Variants in BBS9 observed in about 807,000 individuals in gnomAD.
The protein encoded by BBS9 is Bardet-Biedl syndrome 9, also known as protein PTHB1.
Under a neutral mutation model 117.7 loss-of-function variants are expected in BBS9, and 89 were observed. The ratio of observed to expected loss-of-function variants is 0.76; its 90% CI spans 0.64 to 0.90. The LOEUF (loss-of-function observed/expected upper bound fraction) is 0.90, where lower values mean the gene tolerates loss of function less well. Among genes scored for constraint, BBS9 ranks in the 40% least tolerant of loss-of-function variants. BBS9 has a pLI of 0.00. For missense variants in BBS9, 982 were observed against 1,042.2 expected (o/e 0.94, Z 0.80); for synonymous variants, 379 against 370.9 (o/e 1.02, Z -0.25).
At chr7:33,412,216 T>TTAG (rs1241235580) in intron 19 of BBS9, among the ~76,000 whole-genome samples, 1 of 152,214 alleles carries the variant, frequency 6.6e-6, no homozygotes, top group African/African-American at 2.4e-5. Context: ...GTCAAACTAT[T>TTAG]TAGCAGGTAA....
chr7:33,153,778 T>C lies in BBS9; in HGVS notation c.263+927T>C, dbSNP rs80341620. 4.2e-3 allele frequency among the ~76,000 whole-genome samples: 634 copies of C among 152,314 alleles called. 2 individuals carry two copies. Among genetic ancestry groups the C allele is most frequent in the African/African-American group, 0.015 (617 of 41,558 alleles). ...TAGGCTGGGATATGAGATGAGACTT[T>C]TATGCTTTGTGACAGGCTGGATTGC... On this transcript the variant is annotated intron_variant, in intron 3 of 22. Coordinates refer to ENST00000242067, the MANE Select transcript of BBS9 (RefSeq NM_198428.3).
chr7:33,613,403 T>C (rs1339954409), intron 21 of BBS9, among the ~76,000 whole-genome samples: 1 of 152,064 alleles, frequency 6.6e-6, no homozygotes, highest in African/African-American at 2.4e-5. Flanking sequence ...TACTTGTCAC[T>C]TCAAAGTTTG....
chr7:33,465,630 T>C (rs1175385241), intron 19 of BBS9, among the ~76,000 whole-genome samples: 3 of 152,162 alleles, frequency 2.0e-5, no homozygotes, highest in Non-Finnish European at 4.4e-5. Context: ...CACCTATTAG[T>C]TGTATGTCCT....
intron 19 of BBS9, among the ~76,000 whole-genome samples, chr7:33,466,716 A>C (rs1325024950): frequency 6.6e-6 from 1 of 152,150 alleles, no homozygotes; most frequent in Non-Finnish European, 1.5e-5. Context: ...GGAAAAAAAG[A>C]AGGATAAATG....
chr7:33,208,088 T>G (rs917909223), intron 5 of BBS9, among the ~76,000 whole-genome samples: 1 of 152,172 alleles, frequency 6.6e-6, no homozygotes, highest in Non-Finnish European at 1.5e-5. Flanking sequence ...GGATTACAGT[T>G]GTGAGCCACC....
intron 21 of BBS9, among the ~76,000 whole-genome samples, chr7:33,631,043 A>G (rs1221520878): frequency 1.3e-5 from 2 of 152,210 alleles, no homozygotes; most frequent in Non-Finnish European, 2.9e-5. Context: ...ACAGGGGGTG[A>G]TACAGGCCCC....
chr7:33,131,789 A>G (rs1447851102), intron 1 of BBS9, among the ~76,000 whole-genome samples: 1 of 152,228 alleles, frequency 6.6e-6, no homozygotes, highest in Non-Finnish European at 1.5e-5. Context: ...AATAAAAATT[A>G]TTAAAACTTT....
At chr7:33,389,057 A>G (rs1039765367) in intron 19 of BBS9, among the ~76,000 whole-genome samples, 10 of 152,174 alleles carry the variant, frequency 6.6e-5, no homozygotes, top group Non-Finnish European at 1.5e-4. Context: ...ACATTTTGCA[A>G]AACTATGGTA....
At chr7:33,512,803 C>T (rs1421941375) in intron 20 of BBS9, among the ~76,000 whole-genome samples, 1 of 152,210 alleles carries the variant, frequency 6.6e-6, no homozygotes, top group Admixed American at 6.5e-5. Flanking sequence ...CTCCCTGAAT[C>T]TCCGTGTTCA....
intron 19 of BBS9, among the ~76,000 whole-genome samples, chr7:33,474,311 A>G (rs1841494718): frequency 6.6e-6 from 1 of 152,232 alleles, no homozygotes; most frequent in Non-Finnish European, 1.5e-5. Context: ...AAACATACAT[A>G]CACTAAAACA....
rs370672610 is a variant in BBS9, at chr7:33,419,073, CT to C, written c.2115+30939del. On this transcript the variant is annotated intron_variant, in intron 19 of 22. Transcript: ENST00000242067. The stretch of plus-strand genomic sequence containing the variant: ...TTTGTTCTGCATTCCATTAAAATTG[CT>C]TTTTTTTTTCATGTGAATTGGTCCT... Among the ~76,000 whole-genome samples the C allele has an allele frequency of 3.6e-3, 539 of 148,502 alleles. 7 individuals carry two copies. The South Asian group carries it at 0.041, about 11-fold the overall frequency.
intron 19 of BBS9, among the ~76,000 whole-genome samples, chr7:33,500,112 A>G (rs1779599953): frequency 6.6e-6 from 1 of 152,264 alleles, no homozygotes. Flanking sequence ...AATTTCCTTT[A>G]TAATGTAACT....
chr7:33,365,698 G>T (rs950013157), intron 16 of BBS9, among the ~76,000 whole-genome samples: 1 of 152,224 alleles, frequency 6.6e-6, no homozygotes, highest in African/African-American at 2.4e-5. Context: ...AAGGGACTTT[G>T]GTTCTGGGCT....
intron 21 of BBS9, among the ~76,000 whole-genome samples, chr7:33,550,811 A>G (rs1854301755): frequency 2.0e-5 from 3 of 152,224 alleles, no homozygotes; most frequent in Admixed American, 2.0e-4. Context: ...GAACATATGA[A>G]TATCCAATTC....
chr7:33,130,304 A>G (rs1358451223), intron 1 of BBS9, among the ~76,000 whole-genome samples: 1 of 152,188 alleles, frequency 6.6e-6, no homozygotes, highest in East Asian at 1.9e-4. Flanking sequence ...CTCCTGAGAC[A>G]CTTCAACAGG....
At chr7:33,501,855 C>T (rs1476279923) in intron 19 of BBS9, among the ~76,000 whole-genome samples, 1 of 152,162 alleles carries the variant, frequency 6.6e-6, no homozygotes, top group African/African-American at 2.4e-5. Context: ...TACAACAGTG[C>T]CCAGCCTACC....
chr7:33,153,272 G>A (rs141692610), intron 3 of BBS9, among the ~76,000 whole-genome samples: 230 of 152,240 alleles, frequency 1.5e-3, no homozygotes, highest in Admixed American at 4.4e-3. Context: ...ATGCCCTATC[G>A]TTTCTTGAAA....
chr7:33,577,008 A>G (rs1293829951), intron 21 of BBS9, among the ~76,000 whole-genome samples: 2 of 152,160 alleles, frequency 1.3e-5, no homozygotes, highest in Non-Finnish European at 2.9e-5. Context: ...GGACTTCATG[A>G]CTAAAACACC....
chr7:33,338,540 A>G (rs896458811), intron 10 of BBS9, among the ~76,000 whole-genome samples: 10 of 152,194 alleles, frequency 6.6e-5, no homozygotes, highest in Non-Finnish European at 1.3e-4. Context: ...TTTCAAAGGA[A>G]GAGTTGCAGC....
Sources: gnomAD v4.1 joint callset for allele counts (sites outside exome capture counted in the v4.1 genomes callset) on GRCh38, gnomAD v4.1.1 for gene constraint, MANE v1.5 for transcripts, NCBI Gene and HGNC (gene_info 2026-07-23, HGNC 2026-07-21) for gene names.